RAB3IP: variants seen among roughly 807,000 people sequenced by gnomAD.
RAB3IP encodes the protein RAB3A interacting protein, also known as rab-3A-interacting protein.
A neutral mutation model predicts 59.1 loss-of-function variants in RAB3IP; 36 were observed. That is an observed-to-expected ratio of 0.61 (90% confidence interval 0.47 to 0.80). The LOEUF (loss-of-function observed/expected upper bound fraction) is 0.80. Among genes scored for constraint, RAB3IP ranks in the 30% least tolerant of loss-of-function variants. The pLI, the probability that RAB3IP is intolerant of heterozygous loss-of-function variation, is 0.00. For synonymous variants in RAB3IP, 207 were observed against 191.2 expected (o/e 1.08, Z -0.68); for missense variants, 511 against 536.0 (o/e 0.95, Z 0.46).
intron 1 of RAB3IP, among the ~76,000 whole-genome samples, chr12:69,740,509 A>C (rs572765124): frequency 6.6e-6 from 1 of 152,382 alleles, no homozygotes; most frequent in African/African-American, 2.4e-5. Context: ...ATATTAATGT[A>C]TACCTTTGTG....
At chr12:69,766,561 C>G (rs1872235515) in intron 3 of RAB3IP, among the ~76,000 whole-genome samples, 1 of 151,162 alleles carries the variant, frequency 6.6e-6, no homozygotes, top group African/African-American at 2.4e-5. Context: ...ACTCTTGTCA[C>G]CCAGGCTGGA....
Position 69,815,436 on chromosome 12 carries a change from A to G in RAB3IP, c.1373A>G (p.Glu458Gly). ...TTGGCAAAGCTGGGTTATTTCAAAGAGGAACTCTGATGCTCTGCGTGGGAC... is the reference window on the plus strand; with the variant it reads ...TTGGCAAAGCTGGGTTATTTCAAAGGGGAACTCTGATGCTCTGCGTGGGAC... Reference protein sequence around the residue: ...MSLAKLGYFKEEL With the variant: ...MSLAKLGYFKGEL Residue 458 changes from glutamate to glycine, a missense_variant, in exon 11 of 11, where the codon GAG (glutamate) becomes GGG (glycine). Physicochemically the swap from Glu to Gly is moderately conservative, Grantham distance 98. Transcript: ENST00000247833. 3.1e-6 allele frequency: 5 copies of G among 1,610,632 alleles called. No individual in the cohort carries two copies. Among genetic ancestry groups the G allele is most frequent in the Non-Finnish European group, 4.2e-6 (5 of 1,176,876 alleles).
At position 69,818,542 on chromosome 12, in the gene RAB3IP, A is replaced by G. The variant is rs576994065; in HGVS notation, c.*3096A>G. On this transcript the variant is annotated 3_prime_UTR_variant, in exon 11 of 11. Coordinates refer to ENST00000247833, the MANE Select transcript of RAB3IP (RefSeq NM_022456.5). ...TGCACAGGTCCCCCAGATCACACAT[A>G]TAAGAATGTTCTGGAATAAATTAAA... is the stretch of plus-strand genomic sequence containing the variant. 1.3e-5 allele frequency: 2 copies of G among 152,290 alleles called. No individual in the cohort carries two copies. The highest frequency in any genetic ancestry group is 6.5e-5 in the Admixed American group (1 of 15,290). 9.4% of individuals were successfully genotyped at this position (152,290 alleles called of 1,614,324 possible). A position where few individuals can be genotyped will look rare whatever the true frequency, so the allele number is the denominator to read the frequency against.
chr12:69,744,945 A>T (rs1868267614), intron 1 of RAB3IP, among the ~76,000 whole-genome samples: 1 of 152,206 alleles, frequency 6.6e-6, no homozygotes, highest in African/African-American at 2.4e-5. Context: ...ATGATTTTAT[A>T]TATATACTTG....
chr12:69,781,176 AC>A (rs1344407764), intron 3 of RAB3IP, among the ~76,000 whole-genome samples: 1 of 152,136 alleles, frequency 6.6e-6, no homozygotes, highest in African/African-American at 2.4e-5. Flanking sequence ...TCATTTTTAT[AC>A]CATTTTGTCA....
intron 3 of RAB3IP, among the ~76,000 whole-genome samples, chr12:69,762,901 T>A (rs190899185): frequency 1.3e-5 from 2 of 152,088 alleles, no homozygotes; most frequent in Non-Finnish European, 2.9e-5. Flanking sequence ...CTATTCAGTA[T>A]TGGTTCTACT....
chr12:69,759,633 C>T (rs1311301509), intron 3 of RAB3IP, among the ~76,000 whole-genome samples: 66 of 135,572 alleles, frequency 4.9e-4, no homozygotes, highest in African/African-American at 1.3e-3. Flanking sequence ...CCCTCCTGGA[C>T]GGGGCGGCTG....
chr12:69,762,973 A>C (rs1871602264), intron 3 of RAB3IP, among the ~76,000 whole-genome samples: 2 of 152,222 alleles, frequency 1.3e-5, no homozygotes, highest in East Asian at 1.9e-4. Context: ...AAAACTATAA[A>C]TTTTATTTTG....
chr12:69,764,249 T>G (rs142314005), intron 3 of RAB3IP, among the ~76,000 whole-genome samples: 2 of 152,306 alleles, frequency 1.3e-5, no homozygotes, highest in Non-Finnish European at 2.9e-5. Context: ...ATTCCTAGGT[T>G]GTTTTCTAGG....
At chr12:69,806,437 C>CA (rs749982538) in intron 8 of RAB3IP, among the ~76,000 whole-genome samples, 1 of 151,898 alleles carries the variant, frequency 6.6e-6, no homozygotes, top group African/African-American at 2.4e-5. Context: ...TTGATCTTTT[C>CA]AAAAAACCAG....
chr12:69,785,888 T>C (rs1341741924), intron 4 of RAB3IP, among the ~76,000 whole-genome samples: 2 of 152,168 alleles, frequency 1.3e-5, no homozygotes, highest in East Asian at 1.9e-4. Context: ...GAGGTGAGGG[T>C]AGTACTTCCA....
chr12:69,780,129 A>AGGG (rs1874428543), intron 3 of RAB3IP, among the ~76,000 whole-genome samples: 1 of 152,180 alleles, frequency 6.6e-6, no homozygotes, highest in Admixed American at 6.5e-5. Flanking sequence ...GACTCAAGGT[A>AGGG]GGGGTACCCT....
At chr12:69,783,883 G>C (rs562755944) in intron 3 of RAB3IP, among the ~76,000 whole-genome samples, 11 of 152,166 alleles carry the variant, frequency 7.2e-5, no homozygotes, top group South Asian at 2.1e-4. Context: ...GTTTCATTGA[G>C]ATCTTCTCAT....
At chr12:69,798,986 G>T (rs905581526) in intron 6 of RAB3IP, among the ~76,000 whole-genome samples, 6 of 152,158 alleles carry the variant, frequency 3.9e-5, no homozygotes, top group African/African-American at 1.2e-4. Context: ...GAAGATAAAT[G>T]GAATTGAGGA....
rs117120863 is a variant in RAB3IP at position 69,780,161 on chromosome 12, C to T, written c.511-4559C>T. Among the ~76,000 whole-genome samples, 144 of 152,304 alleles carry T rather than the reference C, an allele frequency of 9.5e-4. 2 individuals are homozygous for T. In the East Asian group the frequency reaches 0.024, roughly 26 times the overall value. On this transcript the variant is annotated intron_variant, in intron 3 of 10. Coordinates refer to ENST00000247833, the MANE Select transcript of RAB3IP (RefSeq NM_022456.5). ...CCCTGACTGTGAGGAAGTTGGCCAA[C>T]GACCCGAACCTGGAAGCCTGTCCCA... is the stretch of plus-strand genomic sequence containing the variant.
intron 3 of RAB3IP, among the ~76,000 whole-genome samples, chr12:69,780,826 G>A (rs186766495): frequency 6.6e-6 from 1 of 151,612 alleles, no homozygotes; most frequent in Admixed American, 6.6e-5. Flanking sequence ...TTTTTAATTA[G>A]TATTTTGGAA....
chr12:69,809,561 T>G (rs1009048286), intron 8 of RAB3IP, among the ~76,000 whole-genome samples: 2 of 152,254 alleles, frequency 1.3e-5, no homozygotes, highest in African/African-American at 4.8e-5. Context: ...TTTGGTCTTT[T>G]CACATAGTCC....
intron 6 of RAB3IP, among the ~76,000 whole-genome samples, chr12:69,799,406 G>T (rs1403261425): frequency 6.6e-6 from 1 of 152,154 alleles, no homozygotes; most frequent in African/African-American, 2.4e-5. Flanking sequence ...TGGACTGAGG[G>T]AATCTGAGAA....
At chr12:69,807,589 C>T (rs1374749688) in intron 8 of RAB3IP, among the ~76,000 whole-genome samples, 5 of 136,222 alleles carry the variant, frequency 3.7e-5, no homozygotes, top group African/African-American at 1.1e-4. Flanking sequence ...CGGACAGAGG[C>T]GCTCGCTTCC....
Sources: gnomAD v4.1 joint callset for allele counts (sites outside exome capture counted in the v4.1 genomes callset) on GRCh38, gnomAD v4.1.1 for gene constraint, MANE v1.5 for transcripts, NCBI Gene and HGNC (gene_info 2026-07-23, HGNC 2026-07-21) for gene names.